Variants in MKRN2 observed in about 807,000 individuals in gnomAD.
MKRN2 encodes E3 ubiquitin-protein ligase makorin-2.
A neutral mutation model predicts 45.4 loss-of-function variants in MKRN2; 32 were observed. That is an observed-to-expected ratio of 0.70 (90% CI 0.53 to 0.95). The LOEUF is 0.95. MKRN2 is among the 40% of genes least tolerant of loss of function. The pLI is 0.00. For missense variants in MKRN2, 526 were observed against 536.7 expected, an observed-to-expected ratio of 0.98 and a Z score of 0.20; for synonymous variants, 206 against 192.4, an observed-to-expected ratio of 1.07 and a Z score of -0.59.
At chr3:12,579,392 C>A (rs961544108) in intron 6 of MKRN2, among the ~76,000 whole-genome samples, 1 of 152,126 alleles carries the variant, frequency 6.6e-6, no homozygotes, top group African/African-American at 2.4e-5. Flanking sequence ...GTCTTGAACT[C>A]CTGGCCTCAG....
intron 6 of MKRN2, 190 bp downstream of exon 6, chr3:12,576,931 G>GTTTTTTTTTT: frequency 8.2e-6 from 1 of 122,146 alleles, no homozygotes. Flanking sequence ...TTTAGTTTTG[G>GTTTTTTTTTT]TGTTTTTTTT....
intron 3 of MKRN2, among the ~76,000 whole-genome samples, chr3:12,571,033 G>A (rs1278019641): frequency 6.6e-6 from 1 of 152,172 alleles, no homozygotes; most frequent in African/African-American, 2.4e-5. Flanking sequence ...AGCACACTAG[G>A]GTTTGGGGCA....
At chr3:12,571,518 G>A (rs2058099154) in intron 3 of MKRN2, among the ~76,000 whole-genome samples, 1 of 152,184 alleles carries the variant, frequency 6.6e-6, no homozygotes, top group Non-Finnish European at 1.5e-5. Flanking sequence ...GAGTAATCCT[G>A]TGAGAATACG....
At position 12,574,919 on chromosome 3, in the gene MKRN2, G is replaced by T. The variant is rs1232497849; in HGVS notation, c.770G>T (p.Gly257Val). ...EKASASERRFGILSNCNHTYC... is the reference protein window; with the variant it reads ...EKASASERRFVILSNCNHTYC... The stretch of plus-strand genomic sequence containing the variant: ...GCCTCTGCTTCTGAGAGGAGATTTG[G>T]GATTCTCTCCAATTGCAATCACACG... The change falls in exon 5 of 8, where the codon GGG becomes GTG. Residue 257 changes from glycine (G) to valine (V), a missense_variant. Coordinates refer to ENST00000170447, the MANE Select transcript of MKRN2 (RefSeq NM_014160.5). The T allele has an allele frequency of 1.9e-6, 3 of 1,614,074 alleles. No individual in the cohort carries two copies. In the African/African-American group the frequency reaches 4.0e-5, roughly 22 times the overall value.
intron 1 of MKRN2, among the ~76,000 whole-genome samples, chr3:12,566,792 G>C (rs2058071152): frequency 6.6e-6 from 1 of 151,982 alleles, no homozygotes; most frequent in African/African-American, 2.4e-5. Flanking sequence ...TAATAGAGAT[G>C]GTGTTTCACC....
At chr3:12,578,707 G>T (rs1319273304) in intron 6 of MKRN2, among the ~76,000 whole-genome samples, 2 of 152,082 alleles carry the variant, frequency 1.3e-5, no homozygotes, top group African/African-American at 2.4e-5. Flanking sequence ...TCATTCTCTG[G>T]TGCCTTCAGG....
At chr3:12,578,155 C>G (rs887729370) in intron 6 of MKRN2, among the ~76,000 whole-genome samples, 3 of 152,102 alleles carry the variant, frequency 2.0e-5, no homozygotes, top group African/African-American at 7.2e-5. Flanking sequence ...TCACAGGCCC[C>G]TTACTTTGTG....
chr3:12,582,444 T>A lies in MKRN2; in HGVS notation c.*191T>A. 1.5e-6 allele frequency: 1 copy of A among 660,652 alleles called. No individual in the cohort carries two copies. The highest frequency in any genetic ancestry group is 2.5e-6 in the Non-Finnish European group (1 of 403,094). 40.9% of individuals were successfully genotyped at this position (660,652 alleles called of 1,614,324 possible). A position where few individuals can be genotyped will look rare whatever the true frequency, so the allele number is the denominator to read the frequency against. On this transcript the variant is annotated 3_prime_UTR_variant, in exon 8 of 8. Coordinates refer to ENST00000170447, the MANE Select transcript of MKRN2 (RefSeq NM_014160.5). ...GAAGAGTGAAAGATATAAAGTAACC[T>A]AATTAAATGTATGGAATTGCTATTT...
intron 7 of MKRN2, 61 bp downstream of exon 7, chr3:12,582,013 C>T (rs2058183844): frequency 7.5e-6 from 12 of 1,608,542 alleles, no homozygotes; most frequent in South Asian, 2.2e-5. Flanking sequence ...TTCCAGGTAC[C>T]GTTCCTGGCA....
intron 4 of MKRN2, 26 bp downstream of exon 4, chr3:12,572,399 C>G: frequency 6.5e-7 from 1 of 1,527,010 alleles, no homozygotes; most frequent in Non-Finnish European, 8.8e-7. Flanking sequence ...TTTGCATGAA[C>G]TCATGTTAAG....
At position 12,580,751 on chromosome 3, in the gene MKRN2, A is replaced by G. The variant is rs138575848; in HGVS notation, c.969-1057A>G. Among the ~76,000 whole-genome samples, 1,058 of 152,130 alleles carry G rather than the reference A, an allele frequency of 7.0e-3. 6 individuals carry two copies. Among genetic ancestry groups the G allele is most frequent in the African/African-American group, 0.024 (997 of 41,502 alleles). ...TGGAATTACAGGTGTGAGCCACCAC[A>G]CCCGGCCAGAGGGCTTTTCTTTATG... On this transcript the variant is annotated intron_variant, in intron 6 of 7. Transcript: ENST00000170447.
At position 12,568,941 on chromosome 3, in the gene MKRN2, C is replaced by A; in HGVS notation, c.93C>A (p.Ser31Arg). ...QCLFSHDLAN[S>R]KPSTICKYYQ... ...TATTCTCACATGACTTGGCAAACAG[C>A]AAACCGTCCACCATCTGCAAGTACT... The change falls in exon 2 of 8, where the codon AGC (serine) becomes AGA (arginine). Residue 31 changes from serine (S) to arginine (R), a missense_variant. Physicochemically the swap from Ser to Arg is moderately radical, Grantham distance 110 (BLOSUM62 -1). Coordinates refer to ENST00000170447, the MANE Select transcript of MKRN2 (RefSeq NM_014160.5). 6.2e-7 allele frequency: 1 copy of A among 1,614,142 alleles called. No homozygotes were observed. The highest frequency in any genetic ancestry group is 8.5e-7 in the Non-Finnish European group (1 of 1,180,034).
chr3:12,565,747 C>T (rs1004675633), intron 1 of MKRN2, among the ~76,000 whole-genome samples: 6 of 152,038 alleles, frequency 3.9e-5, no homozygotes, highest in Admixed American at 1.3e-4. Flanking sequence ...ACCATGTTGC[C>T]CAGTCTCATC....
chr3:12,572,225 G>A lies in MKRN2; in HGVS notation c.494G>A (p.Ser165Asn). ...GACGTGGAGGCCAGCAGCTCCTACA[G>A]CAACGAGCAGCAGCTGTGCCCCTAC... ...LDDVEASSSYSNEQQLCPYAA... is the reference protein window; with the variant it reads ...LDDVEASSSYNNEQQLCPYAA... The change falls in exon 4 of 8, where the codon AGC becomes AAC. Residue 165 changes from serine (S) to asparagine (N), a missense_variant. By Grantham distance (46) the Ser-to-Asn change is conservative (BLOSUM62 1). Coordinates refer to ENST00000170447, the MANE Select transcript of MKRN2 (RefSeq NM_014160.5). 1.2e-6 allele frequency: 2 copies of A among 1,614,108 alleles called. No individual in the cohort carries two copies. The highest frequency in any genetic ancestry group is 1.7e-6 in the Non-Finnish European group (2 of 1,180,010).
In MKRN2 at chr3:12,571,933, G is replaced by A. The variant is rs1222763477; in HGVS notation, c.338-136G>A. The A allele has an allele frequency of 5.3e-6, 4 of 755,018 alleles. No homozygotes were observed. In the African/African-American group the frequency reaches 5.4e-5, roughly 10 times the overall value. The allele number at this position is 755,018 out of a possible 1,614,324, so 46.8% of individuals were successfully genotyped here. A position where few individuals can be genotyped will look rare whatever the true frequency, so the allele number is the denominator to read the frequency against. On this transcript the variant is annotated intron_variant, in intron 3 of 7. Transcript: ENST00000170447. Reference sequence around the variant, plus strand: ...CTATTCCTTTTATTTTTCCCCTTCGGTGTGTTTTTTTTGCCATATGTTCTC... The same window carrying A: ...CTATTCCTTTTATTTTTCCCCTTCGATGTGTTTTTTTTGCCATATGTTCTC...
At chr3:12,568,267 G>T (rs1410074693) in intron 1 of MKRN2, among the ~76,000 whole-genome samples, 2 of 152,326 alleles carry the variant, frequency 1.3e-5, no homozygotes, top group East Asian at 3.9e-4. Context: ...CAGCCTGGGT[G>T]ACAGAGAGAC....
rs775369453 is a variant in MKRN2 at position 12,574,943 on chromosome 3, C to T, written c.794C>T (p.Thr265Met). The change falls in exon 5 of 8, where the codon ACG becomes ATG. Residue 265 changes from threonine to methionine, a missense_variant. Physicochemically the swap from Thr to Met is moderately conservative, Grantham distance 81 (BLOSUM62 -1). Transcript: ENST00000170447. ...GGGATTCTCTCCAATTGCAATCACA[C>T]GTACTGTTTGTCCTGCATCCGGCAG... ...RFGILSNCNH[T>M]YCLSCIRQWR... 47 of 1,614,142 alleles carry T rather than the reference C, an allele frequency of 2.9e-5. No individual in the cohort carries two copies. Among genetic ancestry groups the T allele is most frequent in the East Asian group, 4.5e-5 (2 of 44,906 alleles).
At chr3:12,580,074 G>A (rs1011560349) in intron 6 of MKRN2, among the ~76,000 whole-genome samples, 1 of 152,236 alleles carries the variant, frequency 6.6e-6, no homozygotes, top group African/African-American at 2.4e-5. Flanking sequence ...AGATTGGGAA[G>A]TGATTTGTAA....
chr3:12,583,015 C>G lies in MKRN2; in HGVS notation c.*762C>G, dbSNP rs1048056671. On this transcript the variant is annotated 3_prime_UTR_variant, in exon 8 of 8. Coordinates refer to ENST00000170447, the MANE Select transcript of MKRN2 (RefSeq NM_014160.5). ...TCCAGCCAGGGCCCTCTAGGGGAAC[C>G]AAGCCTCTGCTCTCACCTGTGGGTT... 2 of 152,280 alleles carry G rather than the reference C, an allele frequency of 1.3e-5. No individual in the cohort carries two copies. Among genetic ancestry groups the G allele is most frequent in the African/African-American group, 4.8e-5 (2 of 41,454 alleles). 9.4% of individuals were successfully genotyped at this position (152,280 alleles called of 1,614,324 possible).
Sources: allele counts gnomAD v4.1 joint callset (sites outside exome capture counted in the v4.1 genomes callset), GRCh38; gene constraint gnomAD v4.1.1; transcripts MANE v1.5; gene names NCBI Gene and HGNC (gene_info 2026-07-23, HGNC 2026-07-21).